The following ADCY1 variants were observed in gnomAD, a reference collection of about 807,000 sequenced individuals.
ADCY1 encodes the protein adenylate cyclase type 1.
A neutral mutation model predicts 105.4 loss-of-function variants in ADCY1; 28 were observed. That is an observed-to-expected ratio of 0.27 (90% CI 0.20 to 0.36). The LOEUF is 0.36. ADCY1 is among the 10% of genes least tolerant of loss of function. ADCY1 has a pLI of 1.00. For missense variants in ADCY1, 977 were observed against 1,434.2 expected, an observed-to-expected ratio of 0.68 and a Z score of 5.15; for synonymous variants, 655 against 623.8, an observed-to-expected ratio of 1.05 and a Z score of -0.75.
At chr7:45,685,098 G>A (rs1784639562) in intron 12 of ADCY1, 30 bp downstream of exon 12, 2 of 1,589,250 alleles carry the variant, frequency 1.3e-6, no homozygotes, top group East Asian at 2.2e-5. Context: ...GGCATGCGCT[G>A]GGGCGGGAGA....
chr7:45,644,612 A>T (rs1794611956), intron 4 of ADCY1, among the ~76,000 whole-genome samples: 1 of 152,140 alleles, frequency 6.6e-6, no homozygotes, highest in African/African-American at 2.4e-5. Flanking sequence ...GGGAGGGGGC[A>T]GCTCTTGTCC....
In ADCY1 at chr7:45,710,449, T is replaced by G. The variant is rs2116277884; in HGVS notation, c.2933-79T>G. On this transcript the variant is annotated intron_variant, in intron 18 of 19. Coordinates refer to ENST00000297323, the MANE Select transcript of ADCY1 (RefSeq NM_021116.4). This position sits in a 1 kb window ranked among gnomAD's most constrained non-coding sequence, Gnocchi z 4.7. The stretch of plus-strand genomic sequence containing the variant: ...AGCCTTTTCTCCACCAGGAGCAGCA[T>G]CAGGTGCATTTGGTGGCCCTGGTGG... The G allele has an allele frequency of 6.4e-7, 1 of 1,555,268 alleles. No individual in the cohort carries two copies. The highest frequency in any genetic ancestry group is 2.3e-5 in the East Asian group (1 of 43,424).
chr7:45,649,560 G>T (rs1384317457), intron 5 of ADCY1, among the ~76,000 whole-genome samples: 1 of 152,220 alleles, frequency 6.6e-6, no homozygotes, highest in Non-Finnish European at 1.5e-5. Context: ...ATGGGTAGTT[G>T]CAGGTGAAAG....
At chr7:45,678,297 C>G in intron 10 of ADCY1, 34 bp downstream of exon 10, 3 of 1,588,764 alleles carry the variant, frequency 1.9e-6, no homozygotes, top group Non-Finnish European at 2.6e-6. Flanking sequence ...GAGGAACTCA[C>G]CAAGAAGTCC....
intron 4 of ADCY1, among the ~76,000 whole-genome samples, chr7:45,636,134 A>G (rs1294196093): frequency 2.0e-5 from 3 of 152,176 alleles, no homozygotes; most frequent in East Asian, 1.9e-4. Context: ...TAATAGAGCC[A>G]TTTCAACTTT....
At chr7:45,631,540 T>A (rs1370067959) in intron 4 of ADCY1, among the ~76,000 whole-genome samples, 1 of 152,214 alleles carries the variant, frequency 6.6e-6, no homozygotes, top group Non-Finnish European at 1.5e-5. Context: ...ACAAGTAAAT[T>A]GAGTACTATT....
chr7:45,631,382 C>T (rs1219275176), intron 4 of ADCY1, among the ~76,000 whole-genome samples: 1 of 152,232 alleles, frequency 6.6e-6, no homozygotes, highest in African/African-American at 2.4e-5. Flanking sequence ...TGCAAATGTC[C>T]TCTCATTCTG....
chr7:45,720,819 A>G lies in ADCY1; in HGVS notation c.*6824A>G, dbSNP rs1785458948. 1 of 152,218 alleles carries G rather than the reference A, an allele frequency of 6.6e-6. No individual in the cohort carries two copies. Among genetic ancestry groups the G allele is most frequent in the Admixed American group, 6.5e-5 (1 of 15,282 alleles). 9.4% of individuals were successfully genotyped at this position (152,218 alleles called of 1,614,324 possible). On this transcript the variant is annotated 3_prime_UTR_variant, in exon 20 of 20. Transcript: ENST00000297323. ...CACTAGTATCTAAGTCGGGCTTTAC[A>G]GTAACTATGCACCTTCTGTGTGCTT...
chr7:45,595,322 CA>C (rs1179635213), intron 2 of ADCY1, among the ~76,000 whole-genome samples: 2 of 152,170 alleles, frequency 1.3e-5, no homozygotes, highest in Non-Finnish European at 2.9e-5. Context: ...GGGTGGGGCC[CA>C]GGGGGGTTGG....
At chr7:45,697,518 G>T (rs958722564) in intron 14 of ADCY1, among the ~76,000 whole-genome samples, 1 of 151,392 alleles carries the variant, frequency 6.6e-6, no homozygotes, top group Non-Finnish European at 1.5e-5. Context: ...AGCCTCCTGA[G>T]TAGCTGGGGT....
intron 2 of ADCY1, among the ~76,000 whole-genome samples, chr7:45,593,737 A>G (rs929174397): frequency 3.9e-5 from 6 of 152,246 alleles, no homozygotes; most frequent in African/African-American, 1.4e-4. Flanking sequence ...TTTCTCAACG[A>G]TGTGAATATA....
intron 1 of ADCY1, among the ~76,000 whole-genome samples, chr7:45,577,213 A>G (rs145343321): frequency 9.6e-4 from 146 of 152,320 alleles, no homozygotes; most frequent in African/African-American, 3.3e-3. Flanking sequence ...CACCTGTGTA[A>G]AGGGCAGAAT....
At position 45,707,485 on chromosome 7, in the gene ADCY1, G is replaced by A. The variant is rs956426155; in HGVS notation, c.2818-865G>A. Among the ~76,000 whole-genome samples, 3 of 152,326 alleles carry A rather than the reference G, an allele frequency of 2.0e-5. No homozygotes were observed. The South Asian group carries it at 6.2e-4, about 32-fold the overall frequency. On this transcript the variant is annotated intron_variant, in intron 17 of 19. Transcript: ENST00000297323. ...AAATTCTGGAAAAGGCAAAACGGTA[G>A]AGACTGTAAAAGGATTAGTGGTTGC...
At chr7:45,709,359 C>T (rs1785182463) in intron 18 of ADCY1, among the ~76,000 whole-genome samples, 2 of 152,212 alleles carry the variant, frequency 1.3e-5, no homozygotes, top group African/African-American at 2.4e-5. Context: ...AAGCCCAGCC[C>T]TGTGTCTCAG....
At chr7:45,694,264 T>C (rs576467666) in intron 14 of ADCY1, among the ~76,000 whole-genome samples, 1 of 152,232 alleles carries the variant, frequency 6.6e-6, no homozygotes, top group Admixed American at 6.5e-5. Flanking sequence ...TTCAAAAGGA[T>C]TCAAATCATA....
chr7:45,677,661 C>T (rs1784481322), intron 8 of ADCY1, among the ~76,000 whole-genome samples: 1 of 152,150 alleles, frequency 6.6e-6, no homozygotes, highest in African/African-American at 2.4e-5. Flanking sequence ...ATAAAACCGC[C>T]ATTACAGGTG....
chr7:45,673,889 T>G lies in ADCY1; in HGVS notation c.1606-3980T>G, dbSNP rs1056940338. On this transcript the variant is annotated intron_variant, in intron 8 of 19. Transcript: ENST00000297323. ...TTTTTCTTTTTTCTTATGTAAGTAT[T>G]TAGTACTATTAACTACCTTTCAGCA... Among the ~76,000 whole-genome samples the G allele has an allele frequency of 5.3e-5, 8 of 150,418 alleles. No individual in the cohort carries two copies. The East Asian group carries it at 1.2e-3, about 22-fold the overall frequency.
rs199931594 is a variant in ADCY1, at chr7:45,686,513, A to G, written c.2328-34A>G. 2.5e-6 allele frequency: 4 copies of G among 1,591,484 alleles called. No homozygotes were observed. Among genetic ancestry groups the G allele is most frequent in the South Asian group, 2.3e-5 (2 of 87,032 alleles). On this transcript the variant is annotated intron_variant, in intron 13 of 19. Transcript: ENST00000297323. The surrounding 1 kb of genome is among the most constrained non-coding windows in gnomAD (Gnocchi z 4.3). ...CAGAGTCTTGCCCTGGAAGCTCGGC[A>G]CTGACTTGGCTTTTCTTCCTCATCT...
intron 8 of ADCY1, among the ~76,000 whole-genome samples, chr7:45,674,157 C>T: frequency 6.6e-6 from 1 of 150,800 alleles, no homozygotes; most frequent in East Asian, 1.9e-4. Flanking sequence ...TGTATGATTT[C>T]AGTTATTTTA....
Sources: allele counts gnomAD v4.1 joint callset (sites outside exome capture counted in the v4.1 genomes callset), GRCh38; gene constraint gnomAD v4.1.1; non-coding constraint Gnocchi (gnomAD v3.1); transcripts MANE v1.5; gene names NCBI Gene and HGNC (gene_info 2026-07-23, HGNC 2026-07-21).